The following ARHGEF16 variants were observed in gnomAD, a reference collection of about 807,000 sequenced individuals.
ARHGEF16 encodes Rho guanine exchange factor (GEF) 16.
Under a neutral mutation model 74.1 loss-of-function variants are expected in ARHGEF16, and 59 were observed. The observed-to-expected ratio is 0.80, with a 90% CI of 0.65 to 0.99. ARHGEF16 has a LOEUF of 0.99. Ranked by LOEUF, ARHGEF16 falls within the 50% of genes least tolerant of loss-of-function variation. ARHGEF16 has a pLI of 0.00. For missense variants in ARHGEF16, 948 were observed against 986.6 expected (o/e 0.96, Z 0.52); for synonymous variants, 415 against 412.6 (o/e 1.01, Z -0.07).
rs74614375 is a variant in ARHGEF16 at position 3,480,510 on chromosome 1, C to G, written c.2053C>G (p.Arg685Gly). Residue 685 changes from arginine (R) to glycine (G), a missense_variant, in exon 15 of 15, where the codon CGC (arginine) becomes GGC (glycine). Physicochemically the swap from Arg to Gly is moderately radical, Grantham distance 125. Transcript: ENST00000378378. ...ETGWFPEDFARFITSRVAVEG... is the reference protein window; with the variant it reads ...ETGWFPEDFAGFITSRVAVEG... Reference sequence around the variant, plus strand: ...GGGATGGTTCCCCGAGGACTTTGCCCGCTTCATCACCAGCCGTGTGGCCGT... The same window carrying G: ...GGGATGGTTCCCCGAGGACTTTGCCGGCTTCATCACCAGCCGTGTGGCCGT... The G allele has an allele frequency of 4.3e-6, 7 of 1,612,414 alleles. No individual in the cohort carries two copies. In the African/African-American group the frequency reaches 8.0e-5, roughly 18 times the overall value.
In ARHGEF16 at chr1:3,473,154, G is replaced by A. The variant is rs147324873; in HGVS notation, c.1099G>A (p.Ala367Thr). The part of the protein sequence containing the change: ...EDISDILEEH[A>T]EKHFHPYIAY... ...CATCAGTGACATCCTGGAGGAGCAC[G>A]CTGAGAAGCACTTCCACCCCTACAT... Residue 367 changes from alanine (A) to threonine (T), a missense_variant, in exon 7 of 15, where the codon GCT becomes ACT. By Grantham distance (58) the Ala-to-Thr change is moderately conservative. Transcript: ENST00000378378. 14 of 1,613,286 alleles carry A rather than the reference G, an allele frequency of 8.7e-6. No individual in the cohort carries two copies. The highest frequency in any genetic ancestry group is 1.7e-5 in the Admixed American group (1 of 60,024).
chr1:3,458,898 A>G (rs1227942262), intron 1 of ARHGEF16, among the ~76,000 whole-genome samples: 1 of 152,250 alleles, frequency 6.6e-6, no homozygotes, highest in East Asian at 1.9e-4. Flanking sequence ...GAGGATAATG[A>G]AAATGATAAG....
chr1:3,466,608 C>T (rs904281221), intron 3 of ARHGEF16, among the ~76,000 whole-genome samples: 12 of 152,148 alleles, frequency 7.9e-5, no homozygotes, highest in African/African-American at 2.4e-4. Context: ...GCATGGGTGG[C>T]GGTGGTGCAC....
chr1:3,464,721 G>T (rs1255067821), intron 2 of ARHGEF16, among the ~76,000 whole-genome samples: 1 of 152,204 alleles, frequency 6.6e-6, no homozygotes, highest in Non-Finnish European at 1.5e-5. Context: ...ACCTTCCTGA[G>T]CCTTGGCTTC....
At chr1:3,457,507 A>G (rs527519299) in intron 1 of ARHGEF16, among the ~76,000 whole-genome samples, 4 of 152,326 alleles carry the variant, frequency 2.6e-5, no homozygotes, top group African/African-American at 9.6e-5. Flanking sequence ...TTGTACTGCT[A>G]TGGGGATGCT....
intron 5 of ARHGEF16, 144 bp from the exon 6 acceptor site, chr1:3,469,289 C>A: frequency 2.1e-6 from 2 of 960,562 alleles, no homozygotes; most frequent in Non-Finnish European, 3.1e-6. Context: ...GCCATTCTGA[C>A]AGCCCCATCC....
intron 1 of ARHGEF16, among the ~76,000 whole-genome samples, chr1:3,460,486 A>G (rs192894288): frequency 6.6e-6 from 1 of 152,268 alleles, no homozygotes; most frequent in East Asian, 1.9e-4. Flanking sequence ...GATGGGGCAC[A>G]GTGATGTTGT....
chr1:3,462,999 G>C (rs1557687298), intron 1 of ARHGEF16, 67 bp from the exon 2 acceptor site: 4 of 1,163,086 alleles, frequency 3.4e-6, no homozygotes, highest in Middle Eastern at 3.0e-4. Context: ...AAAGGGGTAG[G>C]GGGGTGGACA....
intron 1 of ARHGEF16, among the ~76,000 whole-genome samples, chr1:3,457,036 C>G (rs968043009): frequency 3.3e-5 from 5 of 152,254 alleles, no homozygotes; most frequent in Non-Finnish European, 5.9e-5. Context: ...GTAGCCAGGA[C>G]TCCTGACTAC....
At chr1:3,466,292 G>C (rs895104410) in intron 3 of ARHGEF16, 99 bp downstream of exon 3, 2 of 1,313,968 alleles carry the variant, frequency 1.5e-6, no homozygotes, top group Non-Finnish European at 2.1e-6. Flanking sequence ...TTGGTGTCTC[G>C]GGGTCACCAA....
intron 10 of ARHGEF16, among the ~76,000 whole-genome samples, chr1:3,477,177 C>T (rs1639902441): frequency 6.6e-6 from 1 of 151,334 alleles, no homozygotes; most frequent in African/African-American, 2.4e-5. Context: ...AGCCGGGGCC[C>T]ACAGGGAGCA....
intron 14 of ARHGEF16, 127 bp from the exon 15 acceptor site, chr1:3,480,321 C>T (rs1640020637): frequency 2.2e-6 from 3 of 1,375,130 alleles, no homozygotes; most frequent in Admixed American, 4.4e-5. Context: ...GCTGTCTGCT[C>T]TGAGCAGGAG....
chr1:3,462,487 T>C (rs992269873), intron 1 of ARHGEF16, among the ~76,000 whole-genome samples: 1 of 152,102 alleles, frequency 6.6e-6, no homozygotes, highest in Non-Finnish European at 1.5e-5. Flanking sequence ...CTGGCTCAGG[T>C]GCCTGGAAGA....
Position 3,476,074 on chromosome 1 carries a change from C to T in ARHGEF16, c.1473+12C>T, listed in dbSNP as rs1407967563. On this transcript the variant is annotated intron_variant, in intron 10 of 14. Transcript: ENST00000378378. ...TCAGCAAGGTCAAGGTAGGTGGCCC[C>T]GGACATCAGGGCCACTCGGACCACT... 2.5e-5 allele frequency: 38 copies of T among 1,548,596 alleles called. No individual in the cohort carries two copies. The highest frequency in any genetic ancestry group is 1.5e-4 in the East Asian group (6 of 40,906).
chr1:3,468,589 C>T, intron 4 of ARHGEF16: 3 of 455,606 alleles, frequency 6.6e-6, no homozygotes, highest in South Asian at 4.5e-5. Context: ...GACAAGATCC[C>T]CCCCCGCCCT....
At chr1:3,461,550 A>C (rs1298760749) in intron 1 of ARHGEF16, among the ~76,000 whole-genome samples, 1 of 152,052 alleles carries the variant, frequency 6.6e-6, no homozygotes, top group African/African-American at 2.4e-5. Context: ...GAGAGACCAG[A>C]CCCTCGGAAT....
chr1:3,458,044 T>G (rs1157600827), intron 1 of ARHGEF16, among the ~76,000 whole-genome samples: 1 of 152,118 alleles, frequency 6.6e-6, no homozygotes, highest in East Asian at 1.9e-4. Context: ...CCCTTGCAAG[T>G]TGGTTCTTGG....
chr1:3,480,217 C>T (rs950974544), intron 14 of ARHGEF16, among the ~76,000 whole-genome samples: 6 of 152,214 alleles, frequency 3.9e-5, no homozygotes, highest in Admixed American at 2.6e-4. Context: ...TGCCGGGCAG[C>T]GCTGTGTGGG....
chr1:3,457,420 G>A (rs924078158), intron 1 of ARHGEF16, among the ~76,000 whole-genome samples: 3 of 152,240 alleles, frequency 2.0e-5, no homozygotes, highest in African/African-American at 7.2e-5. Context: ...AACCGGAGGG[G>A]CAGCAAACTT....
Sources: gnomAD v4.1 joint callset for allele counts (sites outside exome capture counted in the v4.1 genomes callset) on GRCh38, gnomAD v4.1.1 for gene constraint, MANE v1.5 for transcripts, NCBI Gene and HGNC (gene_info 2026-07-23, HGNC 2026-07-21) for gene names.